Variants in KLRB1 observed in about 807,000 individuals in gnomAD.
The protein encoded by KLRB1 is killer cell lectin like receptor B1.
KLRB1 carries 27 observed loss-of-function variants against 33.5 expected under a neutral mutation model. The observed-to-expected ratio is 0.81, with a 90% confidence interval of 0.59 to 1.11. The LOEUF is 1.11. Ranked by LOEUF, KLRB1 falls within the 50% of genes most tolerant of loss-of-function variation. The pLI, the probability that KLRB1 is intolerant of heterozygous loss-of-function variation, is 0.00. For synonymous variants in KLRB1, 64 were observed against 88.9 expected (o/e 0.72, Z 1.58); for missense variants, 241 against 254.1 (o/e 0.95, Z 0.35).
At chr12:9,597,264 CTG>C (rs1004645856) in intron 5 of KLRB1, among the ~76,000 whole-genome samples, 69 of 152,150 alleles carry the variant, frequency 4.5e-4, no homozygotes, top group African/African-American at 1.6e-3. Flanking sequence ...TTAAATATAA[CTG>C]TTTATATTAT....
rs1188705968 is a variant in KLRB1, at chr12:9,606,756, A to ATTTTTTTTTTTTTT, written c.85+998_85+999insAAAAAAAAAAAAAA. Among the ~76,000 whole-genome samples, 31 of 31,532 alleles carry ATTTTTTTTTTTTTT rather than the reference A, an allele frequency of 9.8e-4. 2 individuals are homozygous for ATTTTTTTTTTTTTT. The highest frequency in any genetic ancestry group is 1.4e-3 in the Non-Finnish European group (25 of 17,458). 20.7% of individuals were successfully genotyped at this position (31,532 alleles called of 152,430 possible). A position where few individuals can be genotyped will look rare whatever the true frequency, so the allele number is the denominator to read the frequency against. On this transcript the variant is annotated intron_variant, in intron 1 of 5. Coordinates refer to ENST00000229402, the MANE Select transcript of KLRB1 (RefSeq NM_002258.3). Reference sequence around the variant, plus strand: ...AAAGTATATATATATATATATATATATATATTTTTTTTTTTTTTTTGAGAT... The same window carrying ATTTTTTTTTTTTTT: ...AAAGTATATATATATATATATATATATTTTTTTTTTTTTTTATATTTTTTTTTTTTTTTTGAGAT...
chr12:9,603,338 C>G (rs1477265913), intron 1 of KLRB1, among the ~76,000 whole-genome samples: 2 of 152,146 alleles, frequency 1.3e-5, no homozygotes, highest in Non-Finnish European at 2.9e-5. Flanking sequence ...TCTTCTCTTC[C>G]CCACCGTTTT....
At chr12:9,600,852 A>G (rs1433494103) in intron 2 of KLRB1, among the ~76,000 whole-genome samples, 2 of 151,918 alleles carry the variant, frequency 1.3e-5, no homozygotes, top group African/African-American at 4.8e-5. Flanking sequence ...GTGGGAAGGG[A>G]AAGACCTGAC....
chr12:9,606,026 T>C (rs1864595366), intron 1 of KLRB1, among the ~76,000 whole-genome samples: 1 of 152,114 alleles, frequency 6.6e-6, no homozygotes, highest in Non-Finnish European at 1.5e-5. Flanking sequence ...AAAAAAAATG[T>C]TACTCAACCA....
chr12:9,600,888 G>C (rs1321467033), intron 2 of KLRB1, among the ~76,000 whole-genome samples: 1 of 151,944 alleles, frequency 6.6e-6, no homozygotes, highest in Non-Finnish European at 1.5e-5. Flanking sequence ...CACCCGTAAA[G>C]GTTCTGTGCT....
intron 4 of KLRB1, 60 bp downstream of exon 4, chr12:9,598,439 C>CTT: frequency 6.2e-6 from 9 of 1,455,036 alleles, no homozygotes; most frequent in Non-Finnish European, 8.5e-6. Context: ...AATGCACAGA[C>CTT]ATTAATATGG....
At chr12:9,601,982 C>T (rs1467161846) in intron 1 of KLRB1, among the ~76,000 whole-genome samples, 2 of 152,128 alleles carry the variant, frequency 1.3e-5, no homozygotes, top group Non-Finnish European at 2.9e-5. Context: ...AGAAGGAAGA[C>T]CTTCATTTAG....
rs1864482111 is a variant in KLRB1, at chr12:9,595,254, A to C, written c.*20T>G. 1.9e-6 allele frequency: 3 copies of C among 1,610,418 alleles called. No individual in the cohort carries two copies. In the South Asian group the frequency reaches 3.3e-5, roughly 18 times the overall value. On this transcript the variant is annotated 3_prime_UTR_variant, in exon 6 of 6. Transcript: ENST00000229402. ...AGAGATCAGTAATGGGAAGCAAATA[A>C]ATTGAGATGGGATTCATAGTCAAGA...
chr12:9,603,779 G>A (rs1864571186), intron 1 of KLRB1, among the ~76,000 whole-genome samples: 1 of 151,988 alleles, frequency 6.6e-6, no homozygotes, highest in African/African-American at 2.4e-5. Flanking sequence ...CATTACTAAA[G>A]GCTAACATTG....
intron 2 of KLRB1, among the ~76,000 whole-genome samples, chr12:9,600,889 G>A (rs1278010893): frequency 6.6e-6 from 1 of 151,926 alleles, no homozygotes; most frequent in African/African-American, 2.4e-5. Flanking sequence ...ACCCGTAAAG[G>A]TTCTGTGCTG....
intron 2 of KLRB1, among the ~76,000 whole-genome samples, 164 bp from the exon 3 acceptor site, chr12:9,600,005 C>T (rs954436150): frequency 1.3e-5 from 2 of 150,690 alleles, no homozygotes; most frequent in Non-Finnish European, 1.5e-5. Flanking sequence ...AAGATCTCAC[C>T]TACAGGAAGC....
At chr12:9,606,577 T>C (rs1015230734) in intron 1 of KLRB1, 21 of 150,628 alleles carry the variant, frequency 1.4e-4, no homozygotes, top group African/African-American at 4.9e-4. Context: ...TGATCTTGAA[T>C]ATGATTTTTT....
intron 1 of KLRB1, among the ~76,000 whole-genome samples, chr12:9,607,339 T>TTCCTGCCTTCCTTC (rs1330109407): frequency 1.1e-4 from 7 of 61,244 alleles, no homozygotes; most frequent in South Asian, 7.2e-4. Flanking sequence ...TTCTTTCCTT[T>TTCCTGCCTTCCTTC]CTTTCTTTCT....
In KLRB1 at chr12:9,595,330, A is replaced by G; in HGVS notation, c.622T>C (p.Trp208Arg). The G allele has an allele frequency of 6.2e-7, 1 of 1,613,166 alleles. No individual in the cohort carries two copies. Among genetic ancestry groups the G allele is most frequent in the Non-Finnish European group, 8.5e-7 (1 of 1,179,246 alleles). ...YSEYCSTEIR[W>R]ICQKELTPVR... is the part of the protein sequence containing the mutation. ...GGTGTTAGTTCTTTTTGGCAGATCC[A>G]TCTGATTTCTGTACTACAGTACTCA... Residue 208 changes from tryptophan to arginine, a missense_variant, in exon 6 of 6, where the codon TGG becomes CGG. Trp to Arg is a moderately radical substitution (Grantham distance 101, BLOSUM62 -3). Coordinates refer to ENST00000229402, the MANE Select transcript of KLRB1 (RefSeq NM_002258.3).
intron 1 of KLRB1, chr12:9,606,249 CA>C (rs1483462484): frequency 6.6e-6 from 1 of 152,098 alleles, no homozygotes; most frequent in Non-Finnish European, 1.5e-5. Flanking sequence ...GTAATATTAT[CA>C]ATGATAGTAA....
rs768238888 is a variant in KLRB1 at position 9,607,408 on chromosome 12, T to TTTCTTTCTTTCTTTC, written c.85+346_85+347insGAAAGAAAGAAAGAA. Among the ~76,000 whole-genome samples the TTTCTTTCTTTCTTTC allele has an allele frequency of 2.5e-3, 320 of 125,736 alleles. 11 individuals carry two copies. The highest frequency in any genetic ancestry group is 0.011 in the Middle Eastern group (3 of 262). The allele number at this position is 125,736 out of a possible 152,430, so 82.5% of individuals were successfully genotyped here. A position where few individuals can be genotyped will look rare whatever the true frequency, so the allele number is the denominator to read the frequency against. On this transcript the variant is annotated intron_variant, in intron 1 of 5. Coordinates refer to ENST00000229402, the MANE Select transcript of KLRB1 (RefSeq NM_002258.3). ...TCTTTCTTTCTTTCTTTCTTTCTTT[T>TTTCTTTCTTTCTTTC]CTTTCTTTCTTTCTTTCTTCCTTCT...
chr12:9,603,131 T>C (rs890746823), intron 1 of KLRB1, among the ~76,000 whole-genome samples: 12 of 151,726 alleles, frequency 7.9e-5, no homozygotes, highest in Non-Finnish European at 1.6e-4. Flanking sequence ...CAGGGAGGAG[T>C]AGATACCTAG....
intron 1 of KLRB1, among the ~76,000 whole-genome samples, chr12:9,604,919 A>G (rs1864583395): frequency 6.6e-6 from 1 of 152,156 alleles, no homozygotes; most frequent in Middle Eastern, 3.4e-3. Context: ...TACATGTGCC[A>G]TGTTGGTTTG....
At chr12:9,598,402 A>T in intron 4 of KLRB1, 97 bp downstream of exon 4, 2 of 1,061,930 alleles carry the variant, frequency 1.9e-6, no homozygotes, top group Admixed American at 2.3e-5. Flanking sequence ...CAAAGTCATC[A>T]CTTCCATTGC....
Sources: gnomAD v4.1 joint callset for allele counts (sites outside exome capture counted in the v4.1 genomes callset) on GRCh38, gnomAD v4.1.1 for gene constraint, MANE v1.5 for transcripts, NCBI Gene and HGNC (gene_info 2026-07-23, HGNC 2026-07-21) for gene names.